OSGIN2: variants seen among roughly 807,000 people sequenced by gnomAD.
OSGIN2 encodes the protein oxidative stress-induced growth inhibitor 2.
In OSGIN2, 19 loss-of-function variants were observed where a neutral mutation model predicts 53.8. The observed-to-expected ratio is 0.35, with a 90% CI of 0.25 to 0.52. The LOEUF is 0.52. OSGIN2 is among the 20% of genes least tolerant of loss of function. OSGIN2 has a pLI of 0.95. For missense variants in OSGIN2, 520 were observed against 662.7 expected, an observed-to-expected ratio of 0.78 and a Z score of 2.36; for synonymous variants, 236 against 236.0, an observed-to-expected ratio of 1.00 and a Z score of 0.00.
intron 2 of OSGIN2, among the ~76,000 whole-genome samples, chr8:89,912,636 C>T (rs910975256): frequency 6.6e-6 from 1 of 151,832 alleles, no homozygotes; most frequent in African/African-American, 2.4e-5. Context: ...GTCCTAGCTA[C>T]TTGGGAGGCT....
chr8:89,922,375 T>C (rs1339505044), intron 5 of OSGIN2, among the ~76,000 whole-genome samples: 5 of 152,250 alleles, frequency 3.3e-5, no homozygotes, highest in Non-Finnish European at 7.3e-5. Flanking sequence ...AAACTTGAAG[T>C]AAAATTAGGC....
At chr8:89,913,252 T>A (rs1405256997) in intron 2 of OSGIN2, among the ~76,000 whole-genome samples, 1 of 152,184 alleles carries the variant, frequency 6.6e-6, no homozygotes, top group East Asian at 1.9e-4. Context: ...ACTGTTACCA[T>A]CCTTGCTTTA....
At chr8:89,903,836 A>G (rs890927866) in intron 1 of OSGIN2, among the ~76,000 whole-genome samples, 3 of 152,250 alleles carry the variant, frequency 2.0e-5, no homozygotes, top group African/African-American at 7.2e-5. Context: ...GTAACACATC[A>G]CTGAATTTAT....
Position 89,925,298 on chromosome 8 carries a change from C to T in OSGIN2, c.1416C>T (p.Tyr472=), listed in dbSNP as rs1391574715. The change falls in exon 6 of 6, where the codon TAC becomes TAT. Residue 472 remains tyrosine (Y), a synonymous_variant. Coordinates refer to ENST00000451899, the MANE Select transcript of OSGIN2 (RefSeq NM_001126111.3). ...NLSFLKDQGC[Y]LGHKSSQPIT... is the part of the protein sequence containing the mutation. ...CTTTTCTGAAGGATCAAGGGTGTTACCTAGGCCATAAGTCAAGCCAGCCAA... is the reference window on the plus strand; with the variant it reads ...CTTTTCTGAAGGATCAAGGGTGTTATCTAGGCCATAAGTCAAGCCAGCCAA... 2 of 1,613,940 alleles carry T rather than the reference C, an allele frequency of 1.2e-6. No individual in the cohort carries two copies. The highest frequency in any genetic ancestry group is 1.7e-5 in the Admixed American group (1 of 60,004).
chr8:89,914,250 T>A, intron 3 of OSGIN2, 37 bp downstream of exon 3: 2 of 1,483,222 alleles, frequency 1.3e-6, no homozygotes, highest in Non-Finnish European at 1.8e-6. Context: ...AAAATTTTTT[T>A]ATGCTGAAAC....
At chr8:89,911,554 C>A (rs374040881) in intron 2 of OSGIN2, among the ~76,000 whole-genome samples, 1 of 150,640 alleles carries the variant, frequency 6.6e-6, no homozygotes, top group Non-Finnish European at 1.5e-5. Context: ...CGCCTGAACC[C>A]AGGAGGTGGA....
chr8:89,925,726 TCAGA>T lies in OSGIN2; in HGVS notation c.*197_*200del, dbSNP rs1809310992. The T allele has an allele frequency of 6.0e-6, 3 of 497,260 alleles. No individual in the cohort carries two copies. The highest frequency in any genetic ancestry group is 3.8e-5 in the African/African-American group (2 of 52,428). The allele number at this position is 497,260 out of a possible 1,614,324, so 30.8% of individuals were successfully genotyped here. On this transcript the variant is annotated 3_prime_UTR_variant, in exon 6 of 6. Transcript: ENST00000451899. The stretch of plus-strand genomic sequence containing the variant: ...TTGCAGTGTTTCAAAGGTGTCACTG[TCAGA>T]CAAATAGAAACACTGCCAACTTGGT...
Position 89,926,624 on chromosome 8 carries a change from GGATTT to G in OSGIN2, c.*1093_*1097del, listed in dbSNP as rs1420727940. On this transcript the variant is annotated 3_prime_UTR_variant, in exon 6 of 6. Transcript: ENST00000451899. ...GCAGCTCATATCATGGTTGTTTATT[GGATTT>G]ATCTGTTCTAATTATATAAGTGTGT... is the stretch of plus-strand genomic sequence containing the variant. 3 of 152,322 alleles carry G rather than the reference GGATTT, an allele frequency of 2.0e-5. No homozygotes were observed. Among genetic ancestry groups the G allele is most frequent in the East Asian group, 3.9e-4 (2 of 5,186 alleles). 9.4% of individuals were successfully genotyped at this position (152,322 alleles called of 1,614,324 possible). A position where few individuals can be genotyped will look rare whatever the true frequency, so the allele number is the denominator to read the frequency against.
chr8:89,927,726 G>GTGTT lies in OSGIN2; in HGVS notation c.*2196_*2199dup, dbSNP rs1394558420. 19 of 152,320 alleles carry GTGTT rather than the reference G, an allele frequency of 1.2e-4. No individual in the cohort carries two copies. In the East Asian group the frequency reaches 3.1e-3, roughly 25 times the overall value. The allele number at this position is 152,320 out of a possible 1,614,324, so 9.4% of individuals were successfully genotyped here. ...CAAAAAGATTTAATTACAGCTTCCA[G>GTGTT]TGTTTTGACTATGTGAACCATATCC... is the stretch of plus-strand genomic sequence containing the variant. On this transcript the variant is annotated 3_prime_UTR_variant, in exon 6 of 6. Transcript: ENST00000451899.
rs59639352 is a variant in OSGIN2, at chr8:89,919,206, C to T, written c.529-1874C>T. ...TGGGGAGTCCAAGTTCATTCTCAGT[C>T]TCGAAGATTCAATAGGATTCACAGG... On this transcript the variant is annotated intron_variant, in intron 4 of 5. Transcript: ENST00000451899. Among the ~76,000 whole-genome samples, 1,464 of 152,200 alleles carry T rather than the reference C, an allele frequency of 9.6e-3. 21 individuals carry two copies. The highest frequency in any genetic ancestry group is 0.032 in the African/African-American group (1,327 of 41,504).
At chr8:89,914,447 A>G (rs558707260) in intron 3 of OSGIN2, 108 bp from the exon 4 acceptor site, 15 of 815,352 alleles carry the variant, frequency 1.8e-5, no homozygotes, top group South Asian at 1.8e-4. Context: ...TCTGTGGTCA[A>G]GTTGGGGGTA....
chr8:89,923,380 T>C (rs1809247872), intron 5 of OSGIN2, among the ~76,000 whole-genome samples: 1 of 152,166 alleles, frequency 6.6e-6, no homozygotes, highest in South Asian at 2.1e-4. Context: ...ATTATTAAAC[T>C]TCAAAAGAAA....
chr8:89,927,156 T>A lies in OSGIN2; in HGVS notation c.*1624T>A, dbSNP rs1294483515. On this transcript the variant is annotated 3_prime_UTR_variant, in exon 6 of 6. Transcript: ENST00000451899. ...TGACCTCTGCATGAGTTGGATTAGA[T>A]GTTTTTCTTACTGTCACTTCTAAAT... 3 of 152,188 alleles carry A rather than the reference T, an allele frequency of 2.0e-5. No homozygotes were observed. The highest frequency in any genetic ancestry group is 7.2e-5 in the African/African-American group (3 of 41,454). 9.4% of individuals were successfully genotyped at this position (152,188 alleles called of 1,614,324 possible). A position where few individuals can be genotyped will look rare whatever the true frequency, so the allele number is the denominator to read the frequency against.
intron 1 of OSGIN2, among the ~76,000 whole-genome samples, chr8:89,904,068 A>C (rs955952251): frequency 6.6e-6 from 1 of 152,254 alleles, no homozygotes; most frequent in African/African-American, 2.4e-5. Flanking sequence ...CAGTGAGTTT[A>C]GAATGAGTCT....
chr8:89,902,938 C>A, intron 1 of OSGIN2, 101 bp downstream of exon 1: 1 of 766,330 alleles, frequency 1.3e-6, no homozygotes, highest in Non-Finnish European at 1.8e-6. Context: ...GGGCGAGCGC[C>A]TGGACCGCAG....
chr8:89,905,280 C>T (rs1808814903), intron 1 of OSGIN2, among the ~76,000 whole-genome samples: 1 of 152,138 alleles, frequency 6.6e-6, no homozygotes, highest in Non-Finnish European at 1.5e-5. Context: ...AATAGAGTAA[C>T]TAATTTTGCA....
chr8:89,914,282 G>C (rs1241732830), intron 3 of OSGIN2, 69 bp downstream of exon 3: 1 of 1,184,934 alleles, frequency 8.4e-7, no homozygotes, highest in Non-Finnish European at 1.2e-6. Flanking sequence ...TTATTTATAT[G>C]AACTTTCTTA....
chr8:89,902,921 G>A (rs1808755018), intron 1 of OSGIN2, 84 bp downstream of exon 1: 4 of 1,016,068 alleles, frequency 3.9e-6, no homozygotes, highest in Non-Finnish European at 5.3e-6. Flanking sequence ...GCCGGGACCG[G>A]GGTGGAGGGC....
intron 4 of OSGIN2, among the ~76,000 whole-genome samples, chr8:89,920,017 G>A (rs980866899): frequency 6.6e-6 from 1 of 152,146 alleles, no homozygotes; most frequent in Non-Finnish European, 1.5e-5. Context: ...GGTGCAGTGG[G>A]AATAATGTTA....
Sources: gnomAD v4.1 joint callset for allele counts (sites outside exome capture counted in the v4.1 genomes callset) on GRCh38, gnomAD v4.1.1 for gene constraint, MANE v1.5 for transcripts, NCBI Gene and HGNC (gene_info 2026-07-23, HGNC 2026-07-21) for gene names.